The following CFAP92 variants were observed in gnomAD, a reference collection of about 807,000 sequenced individuals.
The protein encoded by CFAP92 is uncharacterized protein CFAP92.
A neutral mutation model predicts 106.3 loss-of-function variants in CFAP92; 86 were observed. That is an observed-to-expected ratio of 0.81 (90% CI 0.68 to 0.97). The LOEUF is 0.97. Ranked by LOEUF, CFAP92 falls within the 50% of genes least tolerant of loss-of-function variation. The pLI is 0.00. For synonymous variants in CFAP92, 477 were observed against 506.4 expected (o/e 0.94, Z 0.78); for missense variants, 1,204 against 1,283.8 (o/e 0.94, Z 0.95).
the CFAP92 span, among the ~76,000 whole-genome samples, chr3:129,014,973 C>A: frequency 6.6e-6 from 1 of 152,170 alleles, no homozygotes; most frequent in African/African-American, 2.4e-5. This position sits in a 1 kb window ranked among gnomAD's most constrained non-coding sequence, Gnocchi z 4.3. Flanking sequence ...GCACCCACCA[C>A]CCAGCCCAGC....
At chr3:129,013,407 A>G in the CFAP92 span, among the ~76,000 whole-genome samples, 2 of 152,200 alleles carry the variant, frequency 1.3e-5, no homozygotes, top group Admixed American at 6.5e-5. Flanking sequence ...TCTCAAGCGT[A>G]TATAGCTTCA....
intron 2 of CFAP92, among the ~76,000 whole-genome samples, chr3:128,989,526 T>C (rs535676599): frequency 6.6e-6 from 1 of 152,042 alleles, no homozygotes; most frequent in East Asian, 1.9e-4. Flanking sequence ...GCGGGGTGGA[T>C]AGGGTGACAG....
In CFAP92 at chr3:128,993,329, C is replaced by G; in HGVS notation, c.-25G>C. The G allele has an allele frequency of 6.3e-7, 1 of 1,598,774 alleles. No homozygotes were observed. Among genetic ancestry groups the G allele is most frequent in the Non-Finnish European group, 8.5e-7 (1 of 1,172,250 alleles). The stretch of plus-strand genomic sequence containing the variant: ...TGCTGCAGAGCGCACTGCTGGCCGC[C>G]GGCGCTCCTGGCAGGGAGAAAGTGA... On this transcript the variant is annotated 5_prime_UTR_variant, in exon 2 of 16. Coordinates refer to ENST00000645291, the MANE Select transcript of CFAP92 (RefSeq NM_001394090.1).
chr3:128,979,947 A>ATATATATATATATATATAT (rs1553758975), intron 4 of CFAP92, among the ~76,000 whole-genome samples: 2 of 128,306 alleles, frequency 1.6e-5, no homozygotes, highest in African/African-American at 6.0e-5. Flanking sequence ...AAAGTATAAT[A>ATATATATATATATATATAT]ATATATATAT....
intron 2 of CFAP92, among the ~76,000 whole-genome samples, chr3:128,990,796 C>G (rs749713773): frequency 3.5e-4 from 53 of 152,036 alleles, no homozygotes; most frequent in Non-Finnish European, 6.5e-4. Context: ...CTTTGGGAAG[C>G]TGAGACAGGA....
intron 3 of CFAP92, 85 bp downstream of exon 3, chr3:128,988,643 G>A: frequency 7.3e-6 from 10 of 1,362,794 alleles, no homozygotes; most frequent in Non-Finnish European, 1.0e-5. Context: ...TGGAGGTGGA[G>A]CTGATGTTGC....
chr3:128,958,711 C>T lies in CFAP92; in HGVS notation c.1353+6800G>A, dbSNP rs551178357. 4.6e-5 allele frequency among the ~76,000 whole-genome samples: 7 copies of T among 151,634 alleles called. No homozygotes were observed. In the East Asian group the frequency reaches 1.2e-3, roughly 25 times the overall value. ...ATCCCAGGAGTTCAGGACCAGCCTGCGCAACATGGCAAAACCCTGTCTCTA... is the reference window on the plus strand; with the variant it reads ...ATCCCAGGAGTTCAGGACCAGCCTGTGCAACATGGCAAAACCCTGTCTCTA... On this transcript the variant is annotated intron_variant, in intron 9 of 15. Coordinates refer to ENST00000645291, the MANE Select transcript of CFAP92 (RefSeq NM_001394090.1).
chr3:128,963,173 T>C (rs544377757), intron 9 of CFAP92, among the ~76,000 whole-genome samples: 15 of 152,322 alleles, frequency 9.8e-5, no homozygotes, highest in African/African-American at 3.6e-4. Context: ...TCCCTGCTGA[T>C]CGTGTCTGAT....
chr3:128,986,173 G>A (rs539747492), intron 4 of CFAP92, among the ~76,000 whole-genome samples: 4 of 151,986 alleles, frequency 2.6e-5, no homozygotes, highest in Admixed American at 6.5e-5. Context: ...AATTATACTC[G>A]TCTGGAAGGT....
the CFAP92 span, among the ~76,000 whole-genome samples, chr3:129,018,807 T>A: frequency 6.6e-6 from 1 of 152,186 alleles, no homozygotes. Flanking sequence ...GTCTTTCGGG[T>A]CTGTTTGCAC....
At chr3:128,965,348 T>G (rs1942290644) in intron 9 of CFAP92, among the ~76,000 whole-genome samples, 163 bp downstream of exon 9, 1 of 152,146 alleles carries the variant, frequency 6.6e-6, no homozygotes, top group Non-Finnish European at 1.5e-5. Context: ...TAAACAGCCA[T>G]GTTGCTCACA....
chr3:129,003,763 AC>A (rs777277478), upstream of CFAP92: 8 of 1,369,288 alleles, frequency 5.8e-6, no homozygotes, highest in East Asian at 3.1e-5. Context: ...TGGGGCACTT[AC>A]CCCCTGCCCC....
At chr3:128,962,907 C>T (rs1444285135) in intron 9 of CFAP92, among the ~76,000 whole-genome samples, 8 of 152,274 alleles carry the variant, frequency 5.3e-5, no homozygotes, top group South Asian at 4.1e-4. Flanking sequence ...CTCTCCTATC[C>T]TCAATACCTT....
At chr3:128,928,506 C>A (rs1471204688) in intron 12 of CFAP92, among the ~76,000 whole-genome samples, 1 of 152,006 alleles carries the variant, frequency 6.6e-6, no homozygotes, top group Non-Finnish European at 1.5e-5. Context: ...AGATATACAC[C>A]CTTACATTTA....
chr3:129,012,584 G>A, the CFAP92 span, among the ~76,000 whole-genome samples: 1 of 152,194 alleles, frequency 6.6e-6, no homozygotes, highest in African/African-American at 2.4e-5. Context: ...GGCCCAGCCT[G>A]GGTCACAGCC....
chr3:128,937,719 T>C (rs1409473794), intron 10 of CFAP92, among the ~76,000 whole-genome samples: 1 of 151,662 alleles, frequency 6.6e-6, no homozygotes, highest in Non-Finnish European at 1.5e-5. Flanking sequence ...TTGGGGGAGG[T>C]TGAGTAATGA....
upstream of CFAP92, chr3:129,003,716 C>T: frequency 8.0e-7 from 1 of 1,245,624 alleles, no homozygotes; most frequent in Non-Finnish European, 1.0e-6. Context: ...AGGCATGGGG[C>T]CGCCGTCGTG....
intron 12 of CFAP92, among the ~76,000 whole-genome samples, chr3:128,918,703 C>CT (rs1937018586): frequency 6.6e-6 from 1 of 152,188 alleles, no homozygotes; most frequent in South Asian, 2.1e-4. Context: ...TACAATTTGT[C>CT]TTATAAAGAG....
At chr3:128,935,644 G>A (rs1161674333) in intron 10 of CFAP92, among the ~76,000 whole-genome samples, 3 of 152,106 alleles carry the variant, frequency 2.0e-5, no homozygotes, top group Non-Finnish European at 4.4e-5. Flanking sequence ...CCTAGGAGGC[G>A]GAGGTTGTGG....
Sources: allele counts gnomAD v4.1 joint callset (sites outside exome capture counted in the v4.1 genomes callset), GRCh38; gene constraint gnomAD v4.1.1; non-coding constraint Gnocchi (gnomAD v3.1); transcripts MANE v1.5; gene names NCBI Gene and HGNC (gene_info 2026-07-23, HGNC 2026-07-21).